SMCHD1: variants seen among roughly 807,000 people sequenced by gnomAD.
SMCHD1 encodes structural maintenance of chromosomes flexible hinge domain-containing protein 1.
In SMCHD1, 78 loss-of-function variants were observed where a neutral mutation model predicts 254.7. The observed-to-expected ratio is 0.31, with a 90% CI of 0.26 to 0.37. The LOEUF (loss-of-function observed/expected upper bound fraction) is 0.37. SMCHD1 is among the 10% of genes least tolerant of loss of function. The probability of loss-of-function intolerance (pLI) is 1.00; values close to 1 mark genes in which losing one functional copy is unlikely to be tolerated. For synonymous variants in SMCHD1, 766 were observed against 794.9 expected, an observed-to-expected ratio of 0.96 and a Z score of 0.61; for missense variants, 1,840 against 2,408.1, an observed-to-expected ratio of 0.76 and a Z score of 4.94.
At chr18:2,661,741 G>A (rs890802118) in intron 1 of SMCHD1, among the ~76,000 whole-genome samples, 2 of 152,204 alleles carry the variant, frequency 1.3e-5, no homozygotes, top group South Asian at 4.1e-4. Context: ...TAAGGTGCTA[G>A]CATTCCTATC....
At chr18:2,777,452 C>T (rs1019806365) in intron 42 of SMCHD1, among the ~76,000 whole-genome samples, 2 of 152,202 alleles carry the variant, frequency 1.3e-5, no homozygotes, top group South Asian at 2.1e-4. Flanking sequence ...TTGCCCCTTC[C>T]CCTAGTCATT....
chr18:2,658,867 TAC>T (rs1294117535), intron 1 of SMCHD1, among the ~76,000 whole-genome samples: 2 of 150,460 alleles, frequency 1.3e-5, no homozygotes, highest in African/African-American at 2.5e-5. Context: ...TACATATATA[TAC>T]ACACATACAC....
Position 2,718,255 on chromosome 18 carries a change from G to GT in SMCHD1, c.2338+22dup, listed in dbSNP as rs747787070. The GT allele has an allele frequency of 1.9e-6, 3 of 1,610,894 alleles. No individual in the cohort carries two copies. Among genetic ancestry groups the GT allele is most frequent in the Non-Finnish European group, 2.5e-6 (3 of 1,178,286 alleles). ...AAATGGGTGAGTTCTTATTCTGAAT[G>GT]TTAAAAAATACATTGGTATTGTGTT... On this transcript the variant is annotated intron_variant, in intron 18 of 47. Transcript: ENST00000320876. This position sits in a 1 kb window ranked among gnomAD's most constrained non-coding sequence, Gnocchi z 4.6.
chr18:2,739,289 ATAAAT>A, intron 26 of SMCHD1, 138 bp from the exon 27 acceptor site: 1 of 658,238 alleles, frequency 1.5e-6, no homozygotes, highest in East Asian at 2.9e-5. Context: ...AGCAGATTAT[ATAAAT>A]TAAACAGTTA....
At position 2,804,035 on chromosome 18, in the gene SMCHD1, AT is replaced by A. The variant is rs1385666313; in HGVS notation, c.*1485del. On this transcript the variant is annotated 3_prime_UTR_variant, in exon 48 of 48. Transcript: ENST00000320876. The stretch of plus-strand genomic sequence containing the variant: ...AACATTTCTTGTTTCTGACTTTTAG[AT>A]TAGGGATACTCACCCCGTACCAATA... The A allele has an allele frequency of 5.9e-5, 9 of 152,180 alleles. No homozygotes were observed. The highest frequency in any genetic ancestry group is 2.2e-4 in the African/African-American group (9 of 41,438). The allele number at this position is 152,180 out of a possible 1,614,324, so 9.4% of individuals were successfully genotyped here.
chr18:2,672,435 C>T (rs1472983292), intron 3 of SMCHD1, among the ~76,000 whole-genome samples: 3 of 152,066 alleles, frequency 2.0e-5, no homozygotes, highest in Non-Finnish European at 4.4e-5. Flanking sequence ...ACTGTGTTGG[C>T]CAGGCTGGTC....
At chr18:2,681,576 T>A in intron 5 of SMCHD1, among the ~76,000 whole-genome samples, 1 of 91,600 alleles carries the variant, frequency 1.1e-5, no homozygotes, top group Admixed American at 1.5e-4. Context: ...CTGAGTGAGA[T>A]CCTATCTCTC....
intron 30 of SMCHD1, among the ~76,000 whole-genome samples, chr18:2,749,277 C>T (rs1467023398): frequency 3.3e-5 from 5 of 152,188 alleles, no homozygotes; most frequent in Admixed American, 1.3e-4. Flanking sequence ...TCTGCATGTA[C>T]CATTATTACC....
chr18:2,701,132 A>G (rs568888036), intron 12 of SMCHD1: 4 of 366,736 alleles, frequency 1.1e-5, no homozygotes, highest in Non-Finnish European at 1.9e-5. Flanking sequence ...CTAGGTTTGG[A>G]TAGAATTTAC....
intron 17 of SMCHD1, among the ~76,000 whole-genome samples, chr18:2,713,578 G>T (rs1026471324): frequency 6.6e-6 from 1 of 152,136 alleles, no homozygotes; most frequent in Non-Finnish European, 1.5e-5. Flanking sequence ...TCAGCTACTC[G>T]GGAGGCTGAG....
At chr18:2,662,667 C>CAAAAAAAAAAAAAAAAAAAAAAAA (rs745838636) in intron 1 of SMCHD1, among the ~76,000 whole-genome samples, 3 of 35,666 alleles carry the variant, frequency 8.4e-5, no homozygotes, top group African/African-American at 2.5e-4. Flanking sequence ...AACAAAAAAC[C>CAAAAAAAAAAAAAAAAAAAAAAAA]AAAAAAAAAA....
At position 2,673,270 on chromosome 18, in the gene SMCHD1, A is replaced by G. The variant is rs765552177; in HGVS notation, c.425-11A>G. On this transcript the variant is annotated splice_polypyrimidine_tract_variant and intron_variant, in intron 3 of 47. Transcript: ENST00000320876. The stretch of plus-strand genomic sequence containing the variant: ...GGAAAAGTTAAGCAATGTTTTCTTG[A>G]TCTCTTGCAGCATTTGCTCTTGCGG... 2 of 1,578,002 alleles carry G rather than the reference A, an allele frequency of 1.3e-6. No homozygotes were observed. The highest frequency in any genetic ancestry group is 2.3e-5 in the South Asian group (2 of 86,114).
intron 1 of SMCHD1, among the ~76,000 whole-genome samples, chr18:2,658,838 ATATATG>A (rs1235428921): frequency 2.0e-5 from 3 of 151,172 alleles, no homozygotes; most frequent in African/African-American, 4.9e-5. Context: ...GTGTGTGTAT[ATATATG>A]TATATGTATA....
intron 3 of SMCHD1, among the ~76,000 whole-genome samples, chr18:2,672,821 A>G (rs975308583): frequency 2.0e-5 from 3 of 152,236 alleles, no homozygotes; most frequent in African/African-American, 7.2e-5. Flanking sequence ...ATTAGCTTTC[A>G]AGAGACACTT....
intron 39 of SMCHD1, among the ~76,000 whole-genome samples, chr18:2,770,914 A>G (rs531399666): frequency 6.4e-4 from 97 of 152,182 alleles, no homozygotes; most frequent in African/African-American, 2.1e-3. Context: ...TAGCCACCAC[A>G]CCCAGCCTAC....
intron 39 of SMCHD1, among the ~76,000 whole-genome samples, chr18:2,770,904 T>C (rs117930578): frequency 6.6e-6 from 1 of 152,108 alleles, no homozygotes; most frequent in Non-Finnish European, 1.5e-5. Context: ...TTACAGGTGT[T>C]AGCCACCACA....
chr18:2,672,712 TTGG>T (rs1344616692), intron 3 of SMCHD1, among the ~76,000 whole-genome samples: 1 of 152,190 alleles, frequency 6.6e-6, no homozygotes, highest in Non-Finnish European at 1.5e-5. Context: ...GAATGTCACG[TTGG>T]TGGTGTGGTA....
At chr18:2,659,274 C>A (rs902190068) in intron 1 of SMCHD1, among the ~76,000 whole-genome samples, 1 of 152,146 alleles carries the variant, frequency 6.6e-6, no homozygotes, top group Admixed American at 6.5e-5. Context: ...CCTGCCACCA[C>A]GCCTGGCTAA....
chr18:2,668,479 G>A (rs2073499390), intron 3 of SMCHD1, among the ~76,000 whole-genome samples: 1 of 152,210 alleles, frequency 6.6e-6, no homozygotes, highest in Admixed American at 6.5e-5. Flanking sequence ...CTAGTGAGTA[G>A]TGGAGCCAGC....
Sources: gnomAD v4.1 joint callset for allele counts (sites outside exome capture counted in the v4.1 genomes callset) on GRCh38, gnomAD v4.1.1 for gene constraint, Gnocchi (gnomAD v3.1) non-coding constraint, MANE v1.5 for transcripts, NCBI Gene and HGNC (gene_info 2026-07-23, HGNC 2026-07-21) for gene names.